ZNF407: variants seen among roughly 807,000 people sequenced by gnomAD.
The protein encoded by ZNF407 is zinc finger protein 407.
Under a neutral mutation model 131.2 loss-of-function variants are expected in ZNF407, and 17 were observed. The observed-to-expected ratio is 0.13, with a 90% confidence interval of 0.09 to 0.19. The LOEUF (loss-of-function observed/expected upper bound fraction) is 0.19. Among genes scored for constraint, ZNF407 ranks in the 10% least tolerant of loss-of-function variants. The probability of loss-of-function intolerance (pLI) is 1.00; values close to 1 mark genes in which losing one functional copy is unlikely to be tolerated. For missense variants in ZNF407, 2,681 were observed against 2,830.6 expected, an observed-to-expected ratio of 0.95 and a Z score of 1.20; for synonymous variants, 1,156 against 1,062.0, an observed-to-expected ratio of 1.09 and a Z score of -1.72.
intron 8 of ZNF407, among the ~76,000 whole-genome samples, chr18:74,988,000 T>A (rs1467527919): frequency 1.3e-5 from 2 of 152,140 alleles, no homozygotes; most frequent in South Asian, 2.1e-4. Context: ...AAAACAGTTT[T>A]GGAAAAGAAA....
intron 3 of ZNF407, among the ~76,000 whole-genome samples, chr18:74,722,051 A>G (rs1016135091): frequency 1.4e-5 from 2 of 140,972 alleles, no homozygotes; most frequent in African/African-American, 5.3e-5. Flanking sequence ...GGATTTTCTC[A>G]CTGTCTTTGT....
At chr18:74,921,118 C>A (rs1324462418) in intron 8 of ZNF407, 2 of 696,400 alleles carry the variant, frequency 2.9e-6, no homozygotes, top group Admixed American at 6.3e-5. Flanking sequence ...AGAATGTGAC[C>A]TGCGACCACG....
intron 4 of ZNF407, among the ~76,000 whole-genome samples, chr18:74,809,862 T>G (rs1970169302): frequency 6.6e-6 from 1 of 152,146 alleles, no homozygotes; most frequent in African/African-American, 2.4e-5. Context: ...AGCACCACAG[T>G]AATGGGAGTG....
intron 8 of ZNF407, among the ~76,000 whole-genome samples, chr18:75,052,254 A>T (rs1266961408): frequency 6.6e-6 from 1 of 152,226 alleles, no homozygotes; most frequent in Admixed American, 6.5e-5. Context: ...AATGGTATTA[A>T]TAATTAGCCT....
rs573996543 is a variant in ZNF407 at position 74,864,068 on chromosome 18, C to T, written c.4878-13129C>T. Among the ~76,000 whole-genome samples, 4 of 152,178 alleles carry T rather than the reference C, an allele frequency of 2.6e-5. No homozygotes were observed. The South Asian group carries it at 6.2e-4, about 24-fold the overall frequency. ...AAATAGCATTTGGAGTGCATGTAGA[C>T]TCTATGGGCAGGAAATATGACTGAG... On this transcript the variant is annotated intron_variant, in intron 4 of 8. Transcript: ENST00000299687.
chr18:74,996,700 T>C (rs1972784371), intron 8 of ZNF407, among the ~76,000 whole-genome samples: 1 of 152,248 alleles, frequency 6.6e-6, no homozygotes, highest in South Asian at 2.1e-4. Context: ...GAAAGGAAAG[T>C]AATGAGTCCT....
chr18:75,032,535 T>A (rs1012225028), intron 8 of ZNF407, among the ~76,000 whole-genome samples: 1 of 152,186 alleles, frequency 6.6e-6, no homozygotes, highest in Admixed American at 6.5e-5. Flanking sequence ...AAGGTAGGTG[T>A]ACAGTGCCCC....
intron 5 of ZNF407, among the ~76,000 whole-genome samples, chr18:74,877,836 T>C (rs1367039751): frequency 6.6e-6 from 1 of 152,246 alleles, no homozygotes; most frequent in Non-Finnish European, 1.5e-5. Context: ...ATATTTTTCT[T>C]CTGAGGAGGA....
intron 3 of ZNF407, among the ~76,000 whole-genome samples, chr18:74,644,922 A>G (rs1049949446): frequency 6.6e-6 from 1 of 151,346 alleles, no homozygotes; most frequent in African/African-American, 2.4e-5. Context: ...TAACTTATCT[A>G]CTTTCTCCTA....
chr18:74,641,258 T>G, intron 3 of ZNF407, 136 bp downstream of exon 3: 1 of 626,406 alleles, frequency 1.6e-6, no homozygotes, highest in Non-Finnish European at 2.9e-6. Context: ...ATTGTTATGG[T>G]AAATTCCTTA....
rs189328728 is a variant in ZNF407, at chr18:74,864,681, C to T, written c.4878-12516C>T. On this transcript the variant is annotated intron_variant, in intron 4 of 8. Coordinates refer to ENST00000299687, the MANE Select transcript of ZNF407 (RefSeq NM_017757.3). ...CAAAATATATTACCTTGCATTATTT[C>T]GAATTATTTAGGGAGTGTGTGAATA... 2.2e-4 allele frequency among the ~76,000 whole-genome samples: 33 copies of T among 152,148 alleles called. No individual in the cohort carries two copies. The East Asian group carries it at 5.2e-3, about 24-fold the overall frequency.
chr18:74,857,501 T>A (rs906301709), intron 4 of ZNF407, among the ~76,000 whole-genome samples: 2 of 152,178 alleles, frequency 1.3e-5, no homozygotes, highest in Non-Finnish European at 2.9e-5. Flanking sequence ...GGGAAATCTG[T>A]AACTCATAAA....
chr18:75,042,734 G>A (rs1973387855), intron 8 of ZNF407, among the ~76,000 whole-genome samples: 1 of 152,242 alleles, frequency 6.6e-6, no homozygotes, highest in African/African-American at 2.4e-5. Flanking sequence ...CCACTCTTCA[G>A]TAAATCTCTT....
At position 74,634,820 on chromosome 18, in the gene ZNF407, G is replaced by C. The variant is rs750259681; in HGVS notation, c.3801G>C (p.Val1267=). ...CGGCTGAAAGCCCTGTGCTCGTTGT[G>C]ACAAGAATAACCAGAGAACAGGGAA... ...ERSAESPVLV[V]TRITREQGNL... is the part of the protein sequence containing the mutation. Residue 1267 remains valine (V), a synonymous_variant, in exon 2 of 9, where the codon GTG becomes GTC. Coordinates refer to ENST00000299687, the MANE Select transcript of ZNF407 (RefSeq NM_017757.3). 11 of 1,613,976 alleles carry C rather than the reference G, an allele frequency of 6.8e-6. No homozygotes were observed. The South Asian group carries it at 9.9e-5, about 14-fold the overall frequency.
intron 4 of ZNF407, among the ~76,000 whole-genome samples, chr18:74,850,044 A>T (rs908174786): frequency 2.0e-5 from 3 of 152,186 alleles, no homozygotes; most frequent in Non-Finnish European, 2.9e-5. Flanking sequence ...ATTATACCTG[A>T]AGCTGTGGAA....
In ZNF407 at chr18:75,003,144, A is replaced by T. The variant is rs79714067; in HGVS notation, c.5429-60006A>T. 2.7e-3 allele frequency among the ~76,000 whole-genome samples: 418 copies of T among 152,342 alleles called. 2 individuals are homozygous for T. The highest frequency in any genetic ancestry group is 9.2e-3 in the African/African-American group (383 of 41,584). On this transcript the variant is annotated intron_variant, in intron 8 of 8. Transcript: ENST00000299687. Reference sequence around the variant, plus strand: ...TAGGGCTTTCCTAACAAACATTTCAATTATTTCAGAATTATTTCGAAAACC... The same window carrying T: ...TAGGGCTTTCCTAACAAACATTTCATTTATTTCAGAATTATTTCGAAAACC...
chr18:74,844,590 A>G (rs1970677452), intron 4 of ZNF407, among the ~76,000 whole-genome samples: 1 of 152,210 alleles, frequency 6.6e-6, no homozygotes, highest in South Asian at 2.1e-4. Flanking sequence ...ATTTATATAC[A>G]CATATAAATG....
In ZNF407 at chr18:75,065,569, T is replaced by C. The variant is rs531469669; in HGVS notation, c.*1101T>C. The C allele has an allele frequency of 6.6e-6, 1 of 152,380 alleles. No individual in the cohort carries two copies. The highest frequency in any genetic ancestry group is 2.4e-5 in the African/African-American group (1 of 41,602). 9.4% of individuals were successfully genotyped at this position (152,380 alleles called of 1,614,324 possible). A position where few individuals can be genotyped will look rare whatever the true frequency, so the allele number is the denominator to read the frequency against. ...CATTTGTTTCCTGATACAATTGTTCTTATTCTTTTCCAAAACTGTAAAATA... is the reference window on the plus strand; with the variant it reads ...CATTTGTTTCCTGATACAATTGTTCCTATTCTTTTCCAAAACTGTAAAATA... On this transcript the variant is annotated 3_prime_UTR_variant, in exon 9 of 9. Transcript: ENST00000299687.
rs115690111 is a variant in ZNF407 at position 74,740,799 on chromosome 18, G to A, written c.4803-40629G>A. 8.2e-3 allele frequency among the ~76,000 whole-genome samples: 1,254 copies of A among 152,236 alleles called. 18 individuals carry two copies. Among genetic ancestry groups the A allele is most frequent in the African/African-American group, 0.027 (1,134 of 41,530 alleles). On this transcript the variant is annotated intron_variant, in intron 3 of 8. Transcript: ENST00000299687. ...GGACCTTTAGATTTCCCTGCTGGGA[G>A]GTAAGTAGTTACTAGACCAGGGTCT...
Sources: allele counts gnomAD v4.1 joint callset (sites outside exome capture counted in the v4.1 genomes callset), GRCh38; gene constraint gnomAD v4.1.1; transcripts MANE v1.5; gene names NCBI Gene and HGNC (gene_info 2026-07-23, HGNC 2026-07-21).